LRRC71: variants seen among roughly 807,000 people sequenced by gnomAD.
LRRC71 encodes the protein leucine-rich repeat-containing protein 71.
LRRC71 carries 54 observed loss-of-function variants against 66.6 expected under a neutral mutation model. The observed-to-expected ratio is 0.81, with a 90% confidence interval of 0.65 to 1.02. The LOEUF is 1.02. Ranked by LOEUF, LRRC71 falls within the 50% of genes least tolerant of loss-of-function variation. The pLI is 0.00. For missense variants in LRRC71, 724 were observed against 718.0 expected, an observed-to-expected ratio of 1.01 and a Z score of -0.10; for synonymous variants, 323 against 303.9, an observed-to-expected ratio of 1.06 and a Z score of -0.65.
chr1:156,923,830 G>C, intron 1 of LRRC71, 119 bp from the exon 2 acceptor site: 2 of 1,079,952 alleles, frequency 1.9e-6, no homozygotes, highest in South Asian at 3.5e-5. Context: ...CCAAGCGTTT[G>C]CAAGTTGAAT....
the LRRC71 span, chr1:156,939,910 A>G: frequency 1.2e-6 from 2 of 1,601,340 alleles, no homozygotes; most frequent in South Asian, 1.1e-5. Flanking sequence ...CAGGTTCTCC[A>G]CTGGAGGGGA....
At chr1:156,933,591 A>G (rs1237745432), downstream of LRRC71, among the ~76,000 whole-genome samples, 1 of 152,240 alleles carries the variant, frequency 6.6e-6, no homozygotes, top group East Asian at 1.9e-4. Context: ...TACATAGCAA[A>G]GGCTAAGCAT....
downstream of LRRC71, chr1:156,935,740 T>G: frequency 2.1e-6 from 1 of 480,954 alleles, no homozygotes. Context: ...GTGGGGGCCT[T>G]TCGGATGCAG....
At chr1:156,939,938 C>G in the LRRC71 span, 1 of 1,596,592 alleles carries the variant, frequency 6.3e-7, no homozygotes, top group Non-Finnish European at 8.5e-7. Flanking sequence ...TGATGTCTTC[C>G]CAGCATGGGA....
At chr1:156,930,060 T>TTCTTTCTTTTTCTTTCTTTTTCTTTC (rs746194831) in intron 11 of LRRC71, among the ~76,000 whole-genome samples, 19 of 126,230 alleles carry the variant, frequency 1.5e-4, no homozygotes, top group East Asian at 4.9e-4. Context: ...CTTTCTTTCT[T>TTCTTTCTTTTTCTTTCTTTTTCTTTC]TTTCTTTCTT....
chr1:156,935,960 A>G, downstream of LRRC71: 1 of 1,592,920 alleles, frequency 6.3e-7, no homozygotes, highest in Non-Finnish European at 8.6e-7. Flanking sequence ...CAGTCCCTGA[A>G]GGAGGAGTGG....
At chr1:156,935,788 G>A, downstream of LRRC71, 2 of 580,658 alleles carry the variant, frequency 3.4e-6, no homozygotes, top group Non-Finnish European at 6.1e-6. Flanking sequence ...TGGAGGGTTG[G>A]GCTAAGGGAG....
chr1:156,936,785 T>C, downstream of LRRC71: 1 of 1,597,340 alleles, frequency 6.3e-7, no homozygotes, highest in Non-Finnish European at 8.5e-7. Flanking sequence ...CCCCCAATGG[T>C]AGGAACCGAG....
chr1:156,940,488 A>G, the LRRC71 span: 2 of 1,474,398 alleles, frequency 1.4e-6, no homozygotes, highest in South Asian at 1.4e-5. Context: ...GGGAGAGCCT[A>G]TGGGCAGCTT....
chr1:156,927,517 G>A lies in LRRC71; in HGVS notation c.684G>A (p.Arg228=). The A allele has an allele frequency of 6.5e-7, 1 of 1,542,346 alleles. No individual in the cohort carries two copies. Among genetic ancestry groups the A allele is most frequent in the South Asian group, 1.3e-5 (1 of 79,116 alleles). ...LDSTIAHLSL[R]NNNIDDRGAQ... Reference sequence around the variant, plus strand: ...CCAGGATTGCGCACTTGTCTCTGCGGAACAATAACATCGACGACCGCGGGG... The same window carrying A: ...CCAGGATTGCGCACTTGTCTCTGCGAAACAATAACATCGACGACCGCGGGG... The change falls in exon 7 of 15, where the codon CGG becomes CGA. Residue 228 remains arginine (R), a synonymous_variant. Coordinates refer to ENST00000337428, the MANE Select transcript of LRRC71 (RefSeq NM_144702.3).
At chr1:156,934,649 T>C (rs1654756468), downstream of LRRC71, among the ~76,000 whole-genome samples, 1 of 151,978 alleles carries the variant, frequency 6.6e-6, no homozygotes, top group Non-Finnish European at 1.5e-5. Context: ...ATGGGGGTTG[T>C]ACAACTTAAG....
downstream of LRRC71, among the ~76,000 whole-genome samples, chr1:156,936,497 AAT>A (rs1553192804): frequency 0.014 from 479 of 33,906 alleles, 11 homozygotes; most frequent in African/African-American, 0.042. Context: ...AAAAAAAAAA[AAT>A]ATATATATAT....
Position 156,924,020 on chromosome 1 carries a change from T to A in LRRC71, c.232T>A (p.Phe78Ile). 6 of 1,548,402 alleles carry A rather than the reference T, an allele frequency of 3.9e-6. No individual in the cohort carries two copies. The highest frequency in any genetic ancestry group is 5.2e-6 in the Non-Finnish European group (6 of 1,146,094). ...CTGCACGCGGTGGGGCTACACGGAC[T>A]TCCCCAAAGTTGTCAACCGGCCCCG... ...ELCTRWGYTD[F>I]PKVVNRPRPH... Residue 78 changes from phenylalanine (F) to isoleucine (I), a missense_variant, in exon 2 of 15, where the codon TTC (phenylalanine) becomes ATC (isoleucine). By Grantham distance (21) the Phe-to-Ile change is conservative (BLOSUM62 0). Transcript: ENST00000337428.
intron 1 of LRRC71, chr1:156,921,624 A>G: frequency 1.0e-6 from 1 of 984,774 alleles, no homozygotes; most frequent in Non-Finnish European, 1.2e-6. Flanking sequence ...GGGAGAAGGA[A>G]TTATAGGAGC....
intron 7 of LRRC71, 39 bp downstream of exon 7, chr1:156,927,694 G>T: frequency 6.2e-7 from 1 of 1,605,508 alleles, no homozygotes; most frequent in Non-Finnish European, 8.5e-7. Flanking sequence ...GGGAGCAGGG[G>T]CGGCTTGGGC....
chr1:156,930,896 A>G (rs1478596526), intron 12 of LRRC71, among the ~76,000 whole-genome samples: 1 of 152,228 alleles, frequency 6.6e-6, no homozygotes, highest in Non-Finnish European at 1.5e-5. Flanking sequence ...CAACTCAGCC[A>G]GGCTACTTCC....
At chr1:156,937,004 T>TCCTGGAGCTCTTCCC, downstream of LRRC71, 1 of 1,611,728 alleles carries the variant, frequency 6.2e-7, no homozygotes, top group Non-Finnish European at 8.5e-7. Flanking sequence ...CAGCTCCATA[T>TCCTGGAGCTCTTCCC]CCTGGAAGAG....
chr1:156,940,510 G>C, the LRRC71 span: 1 of 1,255,008 alleles, frequency 8.0e-7, no homozygotes, highest in Non-Finnish European at 1.1e-6. Context: ...GGAGCCAAGG[G>C]GCTGGGAACA....
rs762510177 is a variant in LRRC71 at position 156,927,875 on chromosome 1, C to T, written c.907-40C>T. 10 of 1,610,704 alleles carry T rather than the reference C, an allele frequency of 6.2e-6. No homozygotes were observed. In the Admixed American group the frequency reaches 1.7e-4, roughly 27 times the overall value. Reference sequence around the variant, plus strand: ...GGCGGGCCGAGGGAGCCGACCCTGACTACCCAGGCGTCCGACCGCTGAGCG... The same window carrying T: ...GGCGGGCCGAGGGAGCCGACCCTGATTACCCAGGCGTCCGACCGCTGAGCG... On this transcript the variant is annotated intron_variant, in intron 8 of 14. Coordinates refer to ENST00000337428, the MANE Select transcript of LRRC71 (RefSeq NM_144702.3).
Sources: allele counts gnomAD v4.1 joint callset (sites outside exome capture counted in the v4.1 genomes callset), GRCh38; gene constraint gnomAD v4.1.1; transcripts MANE v1.5; gene names NCBI Gene and HGNC (gene_info 2026-07-23, HGNC 2026-07-21).